Variants in CCDC90B observed in about 807,000 individuals in gnomAD.
CCDC90B encodes coiled-coil domain containing 90B, also known as coiled-coil domain-containing protein 90B, mitochondrial.
CCDC90B carries 24 observed loss-of-function variants against 37.0 expected under a neutral mutation model. The ratio of observed to expected loss-of-function variants is 0.65; its 90% confidence interval spans 0.47 to 0.91. The LOEUF (loss-of-function observed/expected upper bound fraction) is 0.91. Among genes scored for constraint, CCDC90B ranks in the 40% least tolerant of loss-of-function variants. CCDC90B has a pLI of 0.00. For synonymous variants in CCDC90B, 113 were observed against 101.1 expected, an observed-to-expected ratio of 1.12 and a Z score of -0.71; for missense variants, 319 against 299.0, an observed-to-expected ratio of 1.07 and a Z score of -0.49.
rs1041566500 is a variant in CCDC90B at position 83,273,648 on chromosome 11, T to G, written c.593A>C (p.Lys198Thr). The G allele has an allele frequency of 2.5e-6, 4 of 1,591,172 alleles. No individual in the cohort carries two copies. The highest frequency in any genetic ancestry group is 3.4e-6 in the Non-Finnish European group (4 of 1,167,912). The change falls in exon 7 of 9, where the codon AAG becomes ACG. Residue 198 changes from lysine to threonine, a missense_variant and splice_region_variant. Coordinates refer to ENST00000529689, the MANE Select transcript of CCDC90B (RefSeq NM_021825.5). ...LMETTTEFTKKDTQTKSIISE... is the reference protein window; with the variant it reads ...LMETTTEFTKTDTQTKSIISE... The stretch of plus-strand genomic sequence containing the variant: ...AGACATTTTTACATATTACTTTACC[T>G]TTTTTGTAAATTCTGTAGTTGTTTC...
chr11:83,271,198 C>G (rs1347458245), intron 7 of CCDC90B, among the ~76,000 whole-genome samples: 1 of 152,186 alleles, frequency 6.6e-6, no homozygotes, highest in African/African-American at 2.4e-5. Flanking sequence ...CAATTCCATT[C>G]AGGACATAGG....
rs74871567 is a variant in CCDC90B, at chr11:83,261,999, G to A, written c.710-33C>T. 6,502 of 1,464,076 alleles carry A rather than the reference G, an allele frequency of 4.4e-3. 144 individuals carry two copies. In the African/African-American group the frequency reaches 0.06, roughly 13 times the overall value. The allele number at this position is 1,464,076 out of a possible 1,614,324, so 90.7% of individuals were successfully genotyped here. ...AAGAAGAAACTGTGTTATAGGTCTT[G>A]TATCTGTAATTATTTTGCAGAGATA... On this transcript the variant is annotated intron_variant, in intron 8 of 8. Transcript: ENST00000529689.
intron 3 of CCDC90B, 32 bp downstream of exon 3, chr11:83,278,694 A>G: frequency 7.5e-7 from 1 of 1,329,426 alleles, no homozygotes; most frequent in Non-Finnish European, 1.1e-6. Flanking sequence ...GTCTAATGAA[A>G]GTATCAGAAG....
chr11:83,285,927 C>T lies in CCDC90B; in HGVS notation c.46G>A (p.Gly16Arg), dbSNP rs1458112298. 1.9e-6 allele frequency: 3 copies of T among 1,613,602 alleles called. No individual in the cohort carries two copies. The highest frequency in any genetic ancestry group is 2.5e-6 in the Non-Finnish European group (3 of 1,179,918). ...CGGGGCCTTGAAACCCAACGATCTC[C>T]TCTGCCTTGGGAGAGAAAGAGCCGC... ...AWRLFLSQGR[G>R]DRWVSRPRGH... is the part of the protein sequence containing the mutation. Residue 16 changes from glycine (G) to arginine (R), a missense_variant, in exon 1 of 9, where the codon GGA becomes AGA. Coordinates refer to ENST00000529689, the MANE Select transcript of CCDC90B (RefSeq NM_021825.5).
intron 1 of CCDC90B, 78 bp from the exon 2 acceptor site, chr11:83,280,338 C>T: frequency 3.0e-6 from 4 of 1,315,636 alleles, no homozygotes; most frequent in Non-Finnish European, 4.3e-6. Flanking sequence ...AGCATTTTCC[C>T]CATCCATTTA....
At chr11:83,274,034 G>C (rs758390156) in intron 4 of CCDC90B, 42 bp from the exon 5 acceptor site, 4 of 1,420,794 alleles carry the variant, frequency 2.8e-6, no homozygotes, top group African/African-American at 2.9e-5. Flanking sequence ...ATTAAACCAA[G>C]TCTATATTAT....
At chr11:83,280,094 T>C (rs1420484430) in intron 2 of CCDC90B, 47 bp downstream of exon 2, 6 of 1,591,696 alleles carry the variant, frequency 3.8e-6, no homozygotes, top group African/African-American at 1.4e-5. Flanking sequence ...CTAGGCATTA[T>C]GAGTGCTATT....
chr11:83,274,652 C>T lies in CCDC90B; in HGVS notation c.413G>A (p.Arg138Lys). The T allele has an allele frequency of 6.2e-7, 1 of 1,602,432 alleles. No homozygotes were observed. The highest frequency in any genetic ancestry group is 8.5e-7 in the Non-Finnish European group (1 of 1,173,202). Residue 138 changes from arginine to lysine, a missense_variant, in exon 4 of 9, where the codon AGA becomes AAA. Arg to Lys is a conservative substitution (Grantham distance 26). Transcript: ENST00000529689. Reference protein sequence around the residue: ...ILEKSEFANLRAENEKMKIEL... With the variant: ...ILEKSEFANLKAENEKMKIEL... The stretch of plus-strand genomic sequence containing the variant: ...AATTTGTATCACCTCATTCTCTGCT[C>T]TCAGATTTGCAAATTCACTTTTCTC...
intron 7 of CCDC90B, among the ~76,000 whole-genome samples, chr11:83,272,240 A>G (rs1479531609): frequency 6.6e-6 from 1 of 152,230 alleles, no homozygotes; most frequent in African/African-American, 2.4e-5. Context: ...CCTAGAACTT[A>G]AAGTATTAAA....
chr11:83,278,776 T>A lies in CCDC90B; in HGVS notation c.274A>T (p.Asn92Tyr), dbSNP rs757834789. 6.2e-7 allele frequency: 1 copy of A among 1,613,668 alleles called. No homozygotes were observed. The highest frequency in any genetic ancestry group is 1.1e-5 in the South Asian group (1 of 91,066). The stretch of plus-strand genomic sequence containing the variant: ...TTATAGATAGTATCCAGGCTGACAT[T>A]TGATAAAGCAGTTAACGCTGATACA... ...TIVSALTALS[N>Y]VSLDTIYKEM... is the part of the protein sequence containing the mutation. Residue 92 changes from asparagine (N) to tyrosine (Y), a missense_variant, in exon 3 of 9, where the codon AAT becomes TAT. Coordinates refer to ENST00000529689, the MANE Select transcript of CCDC90B (RefSeq NM_021825.5).
At chr11:83,279,225 A>G (rs1455364277) in intron 2 of CCDC90B, among the ~76,000 whole-genome samples, 3 of 151,968 alleles carry the variant, frequency 2.0e-5, no homozygotes, top group South Asian at 4.2e-4. Flanking sequence ...AGCTTGCAGT[A>G]AGCCGAGATC....
chr11:83,266,611 C>T (rs1036757055), intron 7 of CCDC90B, among the ~76,000 whole-genome samples: 2 of 152,148 alleles, frequency 1.3e-5, no homozygotes, highest in African/African-American at 4.8e-5. Context: ...GGAGCTTGAA[C>T]TGGGCTGAGC....
intron 1 of CCDC90B, among the ~76,000 whole-genome samples, chr11:83,280,534 C>A (rs996212049): frequency 2.0e-5 from 3 of 152,214 alleles, no homozygotes; most frequent in African/African-American, 7.2e-5. Flanking sequence ...ATAAAACACA[C>A]ATCAAATGCT....
chr11:83,260,174 A>G lies in CCDC90B; in HGVS notation c.*1737T>C, dbSNP rs546608071. ...TGGAGGAAAGACGCATTCCCTCTTAATATTTTAGAATATTTTAAATCTTAA... is the reference window on the plus strand; with the variant it reads ...TGGAGGAAAGACGCATTCCCTCTTAGTATTTTAGAATATTTTAAATCTTAA... On this transcript the variant is annotated 3_prime_UTR_variant, in exon 9 of 9. Transcript: ENST00000529689. 1 of 152,316 alleles carries G rather than the reference A, an allele frequency of 6.6e-6. No homozygotes were observed. Among genetic ancestry groups the G allele is most frequent in the East Asian group, 1.9e-4 (1 of 5,186 alleles). 9.4% of individuals were successfully genotyped at this position (152,316 alleles called of 1,614,324 possible).
intron 1 of CCDC90B, among the ~76,000 whole-genome samples, chr11:83,283,766 A>T (rs1865526804): frequency 6.6e-6 from 1 of 152,182 alleles, no homozygotes; most frequent in South Asian, 2.1e-4. Context: ...GTTTGAGATC[A>T]GCCTGGGCAA....
intron 3 of CCDC90B, among the ~76,000 whole-genome samples, chr11:83,277,940 A>C (rs921307000): frequency 1.3e-5 from 2 of 152,252 alleles, no homozygotes; most frequent in Non-Finnish European, 2.9e-5. Context: ...AATTTGAAAA[A>C]TTAAAATGAA....
chr11:83,280,028 G>T, intron 2 of CCDC90B, 113 bp downstream of exon 2: 1 of 989,832 alleles, frequency 1.0e-6, no homozygotes, highest in South Asian at 1.9e-5. Flanking sequence ...TTCATTGTAT[G>T]GATGGTACAT....
At chr11:83,270,116 A>G (rs1341445748) in intron 7 of CCDC90B, among the ~76,000 whole-genome samples, 2 of 152,230 alleles carry the variant, frequency 1.3e-5, no homozygotes, top group Non-Finnish European at 2.9e-5. Flanking sequence ...CCTTCATGCT[A>G]AAAACTCCCA....
intron 7 of CCDC90B, among the ~76,000 whole-genome samples, chr11:83,267,682 A>G (rs1864370289): frequency 1.3e-5 from 2 of 152,238 alleles, no homozygotes; most frequent in African/African-American, 4.8e-5. Flanking sequence ...GTTGGAAAAC[A>G]CTTCAGGATA....
Sources: gnomAD v4.1 joint callset for allele counts (sites outside exome capture counted in the v4.1 genomes callset) on GRCh38, gnomAD v4.1.1 for gene constraint, MANE v1.5 for transcripts, NCBI Gene and HGNC (gene_info 2026-07-23, HGNC 2026-07-21) for gene names.